Variants in NUCKS1 observed in about 807,000 individuals in gnomAD.
The protein encoded by NUCKS1 is nuclear casein kinase and cyclin dependent kinase substrate 1.
NUCKS1 carries 2 observed loss-of-function variants against 33.0 expected under a neutral mutation model. That is an observed-to-expected ratio of 0.06 (90% CI 0.02 to 0.19). NUCKS1 has a LOEUF of 0.19. NUCKS1 is among the 10% of genes least tolerant of loss of function. The pLI is 1.00. For synonymous variants in NUCKS1, 106 were observed against 102.8 expected (o/e 1.03, Z -0.19); for missense variants, 201 against 293.6 (o/e 0.68, Z 2.31).
chr1:205,734,181 T>C (rs571807698), intron 1 of NUCKS1, among the ~76,000 whole-genome samples: 3 of 152,274 alleles, frequency 2.0e-5, no homozygotes, highest in African/African-American at 7.2e-5. Context: ...GCCTGGCCTG[T>C]AACTTGTTAC....
intron 1 of NUCKS1, among the ~76,000 whole-genome samples, chr1:205,735,494 A>G (rs1468448214): frequency 6.6e-6 from 1 of 152,258 alleles, no homozygotes; most frequent in Non-Finnish European, 1.5e-5. Context: ...TCTTCAATGT[A>G]AAATGAGTAT....
At chr1:205,718,758 T>C (rs143574976) in intron 6 of NUCKS1, among the ~76,000 whole-genome samples, 2 of 152,340 alleles carry the variant, frequency 1.3e-5, no homozygotes, top group African/African-American at 4.8e-5. Flanking sequence ...AGAAGCACCA[T>C]GCTATAGAAT....
At chr1:205,729,499 T>A in intron 2 of NUCKS1, 73 bp downstream of exon 2, 1 of 993,642 alleles carries the variant, frequency 1.0e-6, no homozygotes. Flanking sequence ...TCCAAAAGCA[T>A]AATAAAACTA....
intron 1 of NUCKS1, among the ~76,000 whole-genome samples, chr1:205,737,249 GTTCCATCA>G (rs753344167): frequency 1.3e-5 from 2 of 152,178 alleles, no homozygotes; most frequent in Non-Finnish European, 2.9e-5. Context: ...CTTTTGGACT[GTTCCATCA>G]TTCAGTGGAC....
At chr1:205,720,718 A>C in intron 4 of NUCKS1, 65 bp from the exon 5 acceptor site, 1 of 1,446,136 alleles carries the variant, frequency 6.9e-7, no homozygotes, top group East Asian at 2.3e-5. Context: ...GATAGTGCAA[A>C]AGATTAATAA....
rs1211917260 is a variant in NUCKS1 at position 205,749,756 on chromosome 1, G to GGGGCGCGCGCAC, written c.17+189_17+200dup. Among the ~76,000 whole-genome samples the GGGGCGCGCGCAC allele has an allele frequency of 1.3e-5, 2 of 151,338 alleles. 1 individual carries two copies. The highest frequency in any genetic ancestry group is 4.2e-4 in the South Asian group (2 of 4,808). On this transcript the variant is annotated intron_variant, in intron 1 of 6. Transcript: ENST00000367142. ...GCCCTGCAGCGGCGCGGGGCGGGGA[G>GGGGCGCGCGCAC]GGGCGCGCGCACGGGCGCGCAGCCA...
intron 2 of NUCKS1, among the ~76,000 whole-genome samples, chr1:205,728,431 T>C (rs1441626171): frequency 6.6e-6 from 1 of 152,176 alleles, no homozygotes; most frequent in Non-Finnish European, 1.5e-5. Context: ...GGATATTATA[T>C]AACCATTGAT....
intron 1 of NUCKS1, among the ~76,000 whole-genome samples, chr1:205,738,949 A>T (rs1442358665): frequency 2.0e-5 from 3 of 152,178 alleles, no homozygotes; most frequent in African/African-American, 7.2e-5. Context: ...AATGTTTAAG[A>T]CACCTCCAAA....
At chr1:205,748,328 TCCTAATTTGA>T (rs1020871531) in intron 1 of NUCKS1, among the ~76,000 whole-genome samples, 43 of 152,324 alleles carry the variant, frequency 2.8e-4, no homozygotes, top group South Asian at 1.0e-3. Context: ...GAATTATTTT[TCCTAATTTGA>T]CCTAATTTGA....
chr1:205,746,776 C>A (rs1654343303), intron 1 of NUCKS1, among the ~76,000 whole-genome samples: 1 of 152,184 alleles, frequency 6.6e-6, no homozygotes, highest in South Asian at 2.1e-4. Flanking sequence ...AATTCTATAA[C>A]AACTTGTAAG....
chr1:205,750,014 C>CCGGG lies in NUCKS1; in HGVS notation c.-42_-41insCCCG. ...AGGACCGAGTCGAGAAGCCAAAGAC[C>CCGGG]AGGACCCCCCCCACCCCGCGCGCTC... On this transcript the variant is annotated 5_prime_UTR_variant, in exon 1 of 7. Coordinates refer to ENST00000367142, the MANE Select transcript of NUCKS1 (RefSeq NM_022731.5). 1 of 1,568,892 alleles carries CCGGG rather than the reference C, an allele frequency of 6.4e-7. No homozygotes were observed. Among genetic ancestry groups the CCGGG allele is most frequent in the Non-Finnish European group, 8.7e-7 (1 of 1,154,170 alleles).
chr1:205,728,956 C>T (rs1356358833), intron 2 of NUCKS1, among the ~76,000 whole-genome samples: 1 of 151,736 alleles, frequency 6.6e-6, no homozygotes, highest in African/African-American at 2.4e-5. Flanking sequence ...GCGTGAGCCA[C>T]TGCGCCTGGC....
chr1:205,735,389 T>A (rs760463321), intron 1 of NUCKS1, among the ~76,000 whole-genome samples: 1 of 152,198 alleles, frequency 6.6e-6, no homozygotes, highest in South Asian at 2.1e-4. Context: ...TCTGGTTTTG[T>A]GGAAATACAT....
At chr1:205,732,032 C>T (rs1571579438) in intron 1 of NUCKS1, among the ~76,000 whole-genome samples, 1 of 152,048 alleles carries the variant, frequency 6.6e-6, no homozygotes, top group Non-Finnish European at 1.5e-5. Flanking sequence ...AACACTGGTC[C>T]ACCTTCTAGT....
At position 205,716,579 on chromosome 1, in the gene NUCKS1, A is replaced by G. The variant is rs1282650738; in HGVS notation, c.*1701T>C. On this transcript the variant is annotated 3_prime_UTR_variant, in exon 7 of 7. Coordinates refer to ENST00000367142, the MANE Select transcript of NUCKS1 (RefSeq NM_022731.5). ...TTCATTCTTTAACACACAGTGCAAT[A>G]GTGAAATGACTCTGCCACTGTGTGT... 1 of 152,224 alleles carries G rather than the reference A, an allele frequency of 6.6e-6. No individual in the cohort carries two copies. The allele number at this position is 152,224 out of a possible 1,614,324, so 9.4% of individuals were successfully genotyped here. A position where few individuals can be genotyped will look rare whatever the true frequency, so the allele number is the denominator to read the frequency against.
At chr1:205,749,846 G>C (rs1053352655) in intron 1 of NUCKS1, 111 bp downstream of exon 1, 46 of 1,218,510 alleles carry the variant, frequency 3.8e-5, no homozygotes, top group East Asian at 5.7e-5. Context: ...AAAGGGAGGA[G>C]GCCGCGCGCG....
Position 205,719,550 on chromosome 1 carries a change from G to A in NUCKS1, c.509C>T (p.Pro170Leu). 1 of 1,608,408 alleles carries A rather than the reference G, an allele frequency of 6.2e-7. No homozygotes were observed. Among genetic ancestry groups the A allele is most frequent in the Non-Finnish European group, 8.5e-7 (1 of 1,178,736 alleles). Reference protein sequence around the residue: ...SKPERKEKKMPKPRLKATVTP... With the variant: ...SKPERKEKKMLKPRLKATVTP... ...ACCTGTAGCCTTTAGTCTGGGTTTG[G>A]GCATTTTCTTTTCTTTTCTTTCAGG... The change falls in exon 6 of 7, where the codon CCC (proline) becomes CTC (leucine). Residue 170 changes from proline to leucine, a missense_variant. Physicochemically the swap from Pro to Leu is moderately conservative, Grantham distance 98. Coordinates refer to ENST00000367142, the MANE Select transcript of NUCKS1 (RefSeq NM_022731.5).
intron 1 of NUCKS1, among the ~76,000 whole-genome samples, chr1:205,747,193 T>C (rs1420071565): frequency 1.3e-5 from 2 of 151,702 alleles, no homozygotes; most frequent in Non-Finnish European, 2.9e-5. Context: ...GAATTGGGAA[T>C]TGGGAAATCT....
At chr1:205,749,660 GC>G (rs1654433282) in intron 1 of NUCKS1, among the ~76,000 whole-genome samples, 1 of 151,918 alleles carries the variant, frequency 6.6e-6, no homozygotes, top group African/African-American at 2.4e-5. Flanking sequence ...TCCCCCTCCG[GC>G]CGCTGGCGGC....
Sources: allele counts gnomAD v4.1 joint callset (sites outside exome capture counted in the v4.1 genomes callset), GRCh38; gene constraint gnomAD v4.1.1; transcripts MANE v1.5; gene names NCBI Gene and HGNC (gene_info 2026-07-23, HGNC 2026-07-21).